NOTCH2NLC: variants seen among roughly 807,000 people sequenced by gnomAD.
The protein encoded by NOTCH2NLC is notch homolog 2 N-terminal-like protein C.
A neutral mutation model predicts 17.7 loss-of-function variants in NOTCH2NLC; 4 were observed. The ratio of observed to expected loss-of-function variants is 0.23; its 90% CI spans 0.11 to 0.52. NOTCH2NLC has a LOEUF of 0.52. Ranked by LOEUF, NOTCH2NLC falls within the 20% of genes least tolerant of loss-of-function variation. NOTCH2NLC has a pLI of 0.96. For synonymous variants in NOTCH2NLC, 18 were observed against 86.0 expected, an observed-to-expected ratio of 0.21 and a Z score of 4.38; for missense variants, 57 against 207.2, an observed-to-expected ratio of 0.28 and a Z score of 4.45.
rs1170295050 is a variant in NOTCH2NLC, at chr1:149,400,131, T to TAA, written c.135+9210_135+9211dup. 7.4e-5 allele frequency among the ~76,000 whole-genome samples: 10 copies of TAA among 134,974 alleles called. 1 individual carries two copies. In the South Asian group the frequency reaches 1.2e-3, roughly 16 times the overall value. 88.5% of individuals were successfully genotyped at this position (134,974 alleles called of 152,430 possible). ...ATTTATTTATATATATATATATATATAATATATATTTTTTTTTTAGTTTAT... is the reference window on the plus strand; with the variant it reads ...ATTTATTTATATATATATATATATATAAAATATATATTTTTTTTTTAGTTTAT... On this transcript the variant is annotated intron_variant, in intron 1 of 4. Coordinates refer to ENST00000650865, the MANE Select transcript of NOTCH2NLC (RefSeq NM_001364013.2).
intron 2 of NOTCH2NLC, among the ~76,000 whole-genome samples, chr1:149,445,869 TTG>T (rs1387310746): frequency 2.7e-5 from 4 of 145,914 alleles, no homozygotes; most frequent in African/African-American, 1.0e-4. Flanking sequence ...TTTGTTGTTG[TTG>T]TTTTTTTTTG....
intron 2 of NOTCH2NLC, among the ~76,000 whole-genome samples, chr1:149,449,098 GTC>G (rs1570917855): frequency 6.7e-6 from 1 of 149,682 alleles, no homozygotes; most frequent in East Asian, 2.0e-4. Flanking sequence ...AGCCAGGATG[GTC>G]TCGATCTCCT....
intron 1 of NOTCH2NLC, among the ~76,000 whole-genome samples, chr1:149,430,545 A>T (rs1173578145): frequency 6.9e-6 from 1 of 145,360 alleles, no homozygotes; most frequent in Non-Finnish European, 1.5e-5. Context: ...TATAATGGTG[A>T]TCTATTATTT....
chr1:149,423,389 G>T (rs1216971588), intron 1 of NOTCH2NLC, among the ~76,000 whole-genome samples: 1 of 150,822 alleles, frequency 6.6e-6, no homozygotes, highest in Non-Finnish European at 1.5e-5. Context: ...TTCATGGCTT[G>T]GTCCCAAAAA....
intron 2 of NOTCH2NLC, among the ~76,000 whole-genome samples, chr1:149,438,907 C>T (rs1475952777): frequency 5.5e-5 from 8 of 146,178 alleles, no homozygotes; most frequent in African/African-American, 1.0e-4. Flanking sequence ...TATAGAGATA[C>T]GGTCTCACAT....
chr1:149,399,525 G>A (rs1472051604), intron 1 of NOTCH2NLC, among the ~76,000 whole-genome samples: 1 of 106,058 alleles, frequency 9.4e-6, no homozygotes, highest in Non-Finnish European at 1.9e-5. Context: ...TGGTTCAGAC[G>A]CTGTCAAGAC....
chr1:149,470,999 TC>T lies in NOTCH2NLC; in HGVS notation c.*6847del, dbSNP rs2084715700. ...CCTCATCAACAGTTGTTATTGTCTGTCTTTTTTATTATATTCATCTGTAATG... is the reference window on the plus strand; with the variant it reads ...CCTCATCAACAGTTGTTATTGTCTGTTTTTTTATTATATTCATCTGTAATG... On this transcript the variant is annotated 3_prime_UTR_variant, in exon 5 of 5. Transcript: ENST00000650865. Among the ~76,000 whole-genome samples the T allele has an allele frequency of 6.7e-6, 1 of 149,476 alleles. No homozygotes were observed. The highest frequency in any genetic ancestry group is 6.7e-5 in the Admixed American group (1 of 15,024).
At chr1:149,421,565 G>C (rs1168698456) in intron 1 of NOTCH2NLC, among the ~76,000 whole-genome samples, 1 of 134,450 alleles carries the variant, frequency 7.4e-6, no homozygotes, top group African/African-American at 2.8e-5. Flanking sequence ...ATTGGTGACA[G>C]GCAAAATTTG....
rs1459229805 is a variant in NOTCH2NLC, at chr1:149,399,149, T to C, written c.135+8227T>C. The stretch of plus-strand genomic sequence containing the variant: ...TAAGGTGTTGTACAAGAAGCTGTGG[T>C]TACATTCTAAAATAAACTGCCTTGT... On this transcript the variant is annotated intron_variant, in intron 1 of 4. Transcript: ENST00000650865. Among the ~76,000 whole-genome samples, 7 of 151,450 alleles carry C rather than the reference T, an allele frequency of 4.6e-5. 1 individual carries two copies. The highest frequency in any genetic ancestry group is 8.9e-5 in the Non-Finnish European group (6 of 67,732).
chr1:149,437,695 C>A (rs1268775937), intron 2 of NOTCH2NLC, among the ~76,000 whole-genome samples: 8 of 150,710 alleles, frequency 5.3e-5, no homozygotes, highest in African/African-American at 1.9e-4. Context: ...TATCTCCTGA[C>A]CTCATGATCT....
chr1:149,449,926 GT>G (rs2084582049), intron 2 of NOTCH2NLC, among the ~76,000 whole-genome samples: 1 of 148,558 alleles, frequency 6.7e-6, no homozygotes, highest in Non-Finnish European at 1.5e-5. Context: ...CACTTAGCAT[GT>G]TTTCAAGGTT....
At chr1:149,412,997 C>G (rs1297237032) in intron 1 of NOTCH2NLC, among the ~76,000 whole-genome samples, 2 of 143,944 alleles carry the variant, frequency 1.4e-5, no homozygotes, top group Non-Finnish European at 3.1e-5. Flanking sequence ...CTCCACCTCC[C>G]AGGCTCAAGC....
intron 1 of NOTCH2NLC, among the ~76,000 whole-genome samples, chr1:149,413,138 C>T (rs2084309075): frequency 6.6e-6 from 1 of 150,424 alleles, no homozygotes. Flanking sequence ...GAACTGCTGA[C>T]CTCAAATGAT....
intron 2 of NOTCH2NLC, among the ~76,000 whole-genome samples, chr1:149,450,110 A>G: frequency 6.9e-6 from 1 of 144,808 alleles, no homozygotes; most frequent in South Asian, 2.2e-4. Flanking sequence ...ATGTGGGCAT[A>G]TGTTTTCAGT....
At chr1:149,424,206 G>A (rs1268329678) in intron 1 of NOTCH2NLC, among the ~76,000 whole-genome samples, 1 of 151,320 alleles carries the variant, frequency 6.6e-6, no homozygotes, top group Non-Finnish European at 1.5e-5. Flanking sequence ...AATTGGAGCT[G>A]ATAAACCTGA....
intron 2 of NOTCH2NLC, among the ~76,000 whole-genome samples, chr1:149,432,931 A>T (rs1359742054): frequency 2.7e-5 from 4 of 149,448 alleles, no homozygotes; most frequent in African/African-American, 9.8e-5. Flanking sequence ...ATTACTGAGT[A>T]TATACCCAAA....
intron 1 of NOTCH2NLC, among the ~76,000 whole-genome samples, chr1:149,416,657 T>C (rs2084336880): frequency 7.1e-6 from 1 of 141,706 alleles, no homozygotes; most frequent in Non-Finnish European, 1.6e-5. Context: ...TACTCTATTA[T>C]TGAGAAGAGA....
Position 149,429,994 on chromosome 1 carries a change from T to C in NOTCH2NLC, c.136-948T>C, listed in dbSNP as rs2084436995. Among the ~76,000 whole-genome samples the C allele has an allele frequency of 6.0e-5, 9 of 151,152 alleles. 1 individual carries two copies. The highest frequency in any genetic ancestry group is 1.3e-4 in the Admixed American group (2 of 15,148). ...TTTCCAGTTGTTAGGATTCTTGATATGTATTTTGGTGATGAAAATTTCAAC... is the reference window on the plus strand; with the variant it reads ...TTTCCAGTTGTTAGGATTCTTGATACGTATTTTGGTGATGAAAATTTCAAC... On this transcript the variant is annotated intron_variant, in intron 1 of 4. Coordinates refer to ENST00000650865, the MANE Select transcript of NOTCH2NLC (RefSeq NM_001364013.2).
In NOTCH2NLC at chr1:149,391,012, A is replaced by G. The variant is rs2084163065; in HGVS notation, c.135+90A>G. 9 of 1,073,212 alleles carry G rather than the reference A, an allele frequency of 8.4e-6. No homozygotes were observed. In the South Asian group the frequency reaches 2.0e-4, roughly 24 times the overall value. The allele number at this position is 1,073,212 out of a possible 1,614,324, so 66.5% of individuals were successfully genotyped here. A position where few individuals can be genotyped will look rare whatever the true frequency, so the allele number is the denominator to read the frequency against. ...CCCCCTCGGTCCTTCTCTGTGTGGG[A>G]AGGCCAGGCTCGGCCGCCGGCGCGG... is the stretch of plus-strand genomic sequence containing the variant. On this transcript the variant is annotated intron_variant, in intron 1 of 4. Coordinates refer to ENST00000650865, the MANE Select transcript of NOTCH2NLC (RefSeq NM_001364013.2).
Sources: gnomAD v4.1 joint callset for allele counts (sites outside exome capture counted in the v4.1 genomes callset) on GRCh38, gnomAD v4.1.1 for gene constraint, MANE v1.5 for transcripts, NCBI Gene and HGNC (gene_info 2026-07-23, HGNC 2026-07-21) for gene names.